FFAR3: variants seen among roughly 807,000 people sequenced by gnomAD.
FFAR3 encodes the protein G-protein coupled receptor 41.
For synonymous variants in FFAR3, 68 were observed against 201.1 expected (o/e 0.34, Z 5.60); for missense variants, 136 against 446.5 (o/e 0.30, Z 6.27).
In FFAR3 at chr19:35,359,520, C is replaced by T. The variant is rs923049535; in HGVS notation, c.630C>T (p.Ile210=). 2 of 1,613,856 alleles carry T rather than the reference C, an allele frequency of 1.2e-6. No homozygotes were observed. The highest frequency in any genetic ancestry group is 1.1e-5 in the South Asian group (1 of 91,066). ...ACTGCTACAGCCGCCTGGTGTGGATCCTCGGCAGAGGGGGCAGCCACCGCC... is the reference window on the plus strand; with the variant it reads ...ACTGCTACAGCCGCCTGGTGTGGATTCTCGGCAGAGGGGGCAGCCACCGCC... The part of the protein sequence containing the change: ...TSYCYSRLVW[I]LGRGGSHRRQ... The change falls in exon 2 of 2, where the codon ATC becomes ATT. Residue 210 remains isoleucine (I), a synonymous_variant. Transcript: ENST00000327809.
chr19:35,358,375 G>A (rs2066973629), upstream of FFAR3: 1 of 738,080 alleles, frequency 1.4e-6, no homozygotes, highest in Non-Finnish European at 1.7e-6. Flanking sequence ...TGAAGAAGGG[G>A]AGAGGAAGAC....
At chr19:35,358,413 C>G (rs1330127710), upstream of FFAR3, 19 of 1,070,452 alleles carry the variant, frequency 1.8e-5, no homozygotes, top group Admixed American at 4.9e-5. Context: ...TAGAGCATCC[C>G]AGCTGAGACT....
Position 35,360,027 on chromosome 19 carries a change from T to C in FFAR3, c.*96T>C, listed in dbSNP as rs1272215997. 1.6e-6 allele frequency: 1 copy of C among 623,482 alleles called. No homozygotes were observed. The highest frequency in any genetic ancestry group is 2.8e-6 in the Non-Finnish European group (1 of 352,522). The allele number at this position is 623,482 out of a possible 1,614,324, so 38.6% of individuals were successfully genotyped here. The stretch of plus-strand genomic sequence containing the variant: ...CTTGGAGTGGCGAGCTGGGGCCCGA[T>C]GGGGCTTGGGGGCAGAGTAGACATC... On this transcript the variant is annotated 3_prime_UTR_variant, in exon 2 of 2. Transcript: ENST00000327809.
In FFAR3 at chr19:35,358,514, C is replaced by T. The variant is rs2066974375; in HGVS notation, c.-147C>T. 1.6e-5 allele frequency: 19 copies of T among 1,222,928 alleles called. No homozygotes were observed. Among genetic ancestry groups the T allele is most frequent in the Non-Finnish European group, 1.9e-5 (18 of 970,218 alleles). The allele number at this position is 1,222,928 out of a possible 1,614,324, so 75.8% of individuals were successfully genotyped here. ...AACGGAGCTCAAGGCATCTATGTGC[C>T]ACTGCTCAACAGTGAGTGACGTCAT... On this transcript the variant is annotated 5_prime_UTR_variant, in exon 1 of 2. Coordinates refer to ENST00000327809, the MANE Select transcript of FFAR3 (RefSeq NM_005304.5).
Position 35,359,038 on chromosome 19 carries a change from G to A in FFAR3, c.148G>A (p.Val50Met), listed in dbSNP as rs200224629. ...CAAGCTGCAGCGCCGCCCGGTGGCC[G>A]TGGACGTGCTCCTGCTCAACCTGAC... ...VGKLQRRPVA[V>M]DVLLLNLTAS... Residue 50 changes from valine (V) to methionine (M), a missense_variant, in exon 2 of 2, where the codon GTG (valine) becomes ATG (methionine). By Grantham distance (21) the Val-to-Met change is conservative. Coordinates refer to ENST00000327809, the MANE Select transcript of FFAR3 (RefSeq NM_005304.5). 87 of 1,611,766 alleles carry A rather than the reference G, an allele frequency of 5.4e-5. 1 individual carries two copies. The Admixed American group carries it at 9.5e-4, about 18-fold the overall frequency.
Position 35,359,033 on chromosome 19 carries a change from T to C in FFAR3, c.143T>C (p.Val48Ala), listed in dbSNP as rs1185608703. The change falls in exon 2 of 2, where the codon GTG becomes GCG. Residue 48 changes from valine to alanine, a missense_variant. Physicochemically the swap from Val to Ala is moderately conservative, Grantham distance 64. Transcript: ENST00000327809. ...GTGGGCAAGCTGCAGCGCCGCCCGG[T>C]GGCCGTGGACGTGCTCCTGCTCAAC... ...VFVGKLQRRP[V>A]AVDVLLLNLT... 3 of 1,611,738 alleles carry C rather than the reference T, an allele frequency of 1.9e-6. No homozygotes were observed. Among genetic ancestry groups the C allele is most frequent in the Admixed American group, 1.7e-5 (1 of 59,930 alleles).
At position 35,360,298 on chromosome 19, in the gene FFAR3, C is replaced by A. The variant is rs371340728; in HGVS notation, c.*367C>A. Reference sequence around the variant, plus strand: ...TGGCAGGGGCAGGAGAGGGGAGAACCCCATCCTCAGAGCTGCTCCCAGCCA... The same window carrying A: ...TGGCAGGGGCAGGAGAGGGGAGAACACCATCCTCAGAGCTGCTCCCAGCCA... On this transcript the variant is annotated 3_prime_UTR_variant, in exon 2 of 2. Transcript: ENST00000327809. 9,555 of 382,740 alleles carry A rather than the reference C, an allele frequency of 0.025. 2 individuals carry two copies. Among genetic ancestry groups the A allele is most frequent in the African/African-American group, 0.13 (5,677 of 44,914 alleles). The allele number at this position is 382,740 out of a possible 1,614,324, so 23.7% of individuals were successfully genotyped here.
Position 35,359,660 on chromosome 19 carries a change from G to C in FFAR3, c.770G>C (p.Trp257Ser), listed in dbSNP as rs142811137. The C allele has an allele frequency of 6.8e-6, 11 of 1,613,942 alleles. No homozygotes were observed. The highest frequency in any genetic ancestry group is 9.3e-6 in the Non-Finnish European group (11 of 1,179,886). ...VGYICGESPAWRIYVTLLSTL... is the reference protein window; with the variant it reads ...VGYICGESPASRIYVTLLSTL... ...TATATCTGCGGTGAAAGCCCGGCGT[G>C]GAGGATCTACGTGACGCTTCTCAGC... The change falls in exon 2 of 2, where the codon TGG becomes TCG. Residue 257 changes from tryptophan to serine, a missense_variant. Trp to Ser is a radical substitution (Grantham distance 177, BLOSUM62 -3). Coordinates refer to ENST00000327809, the MANE Select transcript of FFAR3 (RefSeq NM_005304.5).
chr19:35,358,968 G>C lies in FFAR3; in HGVS notation c.78G>C (p.Leu26=), dbSNP rs2066977053. 6.2e-7 allele frequency: 1 copy of C among 1,610,806 alleles called. No individual in the cohort carries two copies. Among genetic ancestry groups the C allele is most frequent in the Non-Finnish European group, 8.5e-7 (1 of 1,177,932 alleles). ...TCTCGGTGTACCTTCTCACTTTCCT[G>C]GTGGGGCTCCCCCTCAACCTGCTGG... ...FVFSVYLLTF[L]VGLPLNLLAL... The change falls in exon 2 of 2, where the codon CTG becomes CTC. Residue 26 remains leucine, a synonymous_variant. Coordinates refer to ENST00000327809, the MANE Select transcript of FFAR3 (RefSeq NM_005304.5).
In FFAR3 at chr19:35,359,326, C is replaced by G; in HGVS notation, c.436C>G (p.His146Asp). The change falls in exon 2 of 2, where the codon CAC (histidine) becomes GAC (aspartate). Residue 146 changes from histidine to aspartate, a missense_variant. By Grantham distance (81) the His-to-Asp change is moderately conservative. Coordinates refer to ENST00000327809, the MANE Select transcript of FFAR3 (RefSeq NM_005304.5). ...SVACWLLASA[H>D]CSVVYVIEFS... ...GGCCTGCTGGCTGTTGGCCTCTGCT[C>G]ACTGCAGCGTGGTCTACGTCATAGA... 6.2e-7 allele frequency: 1 copy of G among 1,604,296 alleles called. No homozygotes were observed.
At position 35,359,988 on chromosome 19, in the gene FFAR3, C is replaced by G; in HGVS notation, c.*57C>G. On this transcript the variant is annotated 3_prime_UTR_variant, in exon 2 of 2. Transcript: ENST00000327809. ...GTCATCCTCAGGGCGCTTCCTCGCT[C>G]ACGCCAGGAGGGACTTGGAGTGGCG... is the stretch of plus-strand genomic sequence containing the variant. 1.1e-6 allele frequency: 1 copy of G among 890,402 alleles called. No homozygotes were observed. Among genetic ancestry groups the G allele is most frequent in the Non-Finnish European group, 1.7e-6 (1 of 594,180 alleles). 55.2% of individuals were successfully genotyped at this position (890,402 alleles called of 1,614,324 possible). A position where few individuals can be genotyped will look rare whatever the true frequency, so the allele number is the denominator to read the frequency against.
Position 35,359,574 on chromosome 19 carries a change from G to A in FFAR3, c.684G>A (p.Ala228=), listed in dbSNP as rs377408543. 74 of 1,614,044 alleles carry A rather than the reference G, an allele frequency of 4.6e-5. No homozygotes were observed. The highest frequency in any genetic ancestry group is 8.8e-5 in the South Asian group (8 of 91,078). ...RRQRRVAGLL[A]ATLLNFLVCF... is the part of the protein sequence containing the mutation. Reference sequence around the variant, plus strand: ...AGAGGAGGGTGGCGGGGCTGTTGGCGGCCACGCTGCTCAACTTCCTTGTCT... The same window carrying A: ...AGAGGAGGGTGGCGGGGCTGTTGGCAGCCACGCTGCTCAACTTCCTTGTCT... The change falls in exon 2 of 2, where the codon GCG becomes GCA. Residue 228 remains alanine (A), a synonymous_variant. Coordinates refer to ENST00000327809, the MANE Select transcript of FFAR3 (RefSeq NM_005304.5).
At position 35,359,665 on chromosome 19, in the gene FFAR3, A is replaced by G. The variant is rs781216450; in HGVS notation, c.775A>G (p.Ile259Val). ...CTGCGGTGAAAGCCCGGCGTGGAGG[A>G]TCTACGTGACGCTTCTCAGCACCCT... ...YICGESPAWR[I>V]YVTLLSTLNS... is the part of the protein sequence containing the mutation. The change falls in exon 2 of 2, where the codon ATC (isoleucine) becomes GTC (valine). Residue 259 changes from isoleucine to valine, a missense_variant. Ile to Val is a conservative substitution (Grantham distance 29). Transcript: ENST00000327809. 2 of 1,614,046 alleles carry G rather than the reference A, an allele frequency of 1.2e-6. No individual in the cohort carries two copies. The highest frequency in any genetic ancestry group is 1.7e-6 in the Non-Finnish European group (2 of 1,179,876).
chr19:35,358,376 A>G, upstream of FFAR3: 1 of 737,446 alleles, frequency 1.4e-6, no homozygotes, highest in Non-Finnish European at 1.7e-6. Context: ...GAAGAAGGGG[A>G]GAGGAAGACG....
chr19:35,359,022 G>A lies in FFAR3; in HGVS notation c.132G>A (p.Gln44=). The change falls in exon 2 of 2, where the codon CAG becomes CAA. Residue 44 remains glutamine, a synonymous_variant. Coordinates refer to ENST00000327809, the MANE Select transcript of FFAR3 (RefSeq NM_005304.5). ...LALVVFVGKL[Q]RRPVAVDVLL... is the part of the protein sequence containing the mutation. ...TGGTGGTCTTCGTGGGCAAGCTGCA[G>A]CGCCGCCCGGTGGCCGTGGACGTGC... 1 of 1,611,646 alleles carries A rather than the reference G, an allele frequency of 6.2e-7. No individual in the cohort carries two copies. Among genetic ancestry groups the A allele is most frequent in the Non-Finnish European group, 8.5e-7 (1 of 1,178,306 alleles).
rs2066974594 is a variant in FFAR3, at chr19:35,358,551, G to A, written c.-110G>A. The A allele has an allele frequency of 7.7e-7, 1 of 1,298,978 alleles. No homozygotes were observed. Among genetic ancestry groups the A allele is most frequent in the Non-Finnish European group, 9.9e-7 (1 of 1,013,546 alleles). The allele number at this position is 1,298,978 out of a possible 1,614,324, so 80.5% of individuals were successfully genotyped here. ...GTGAGTGACGTCATGGGCACGGCCA[G>A]GTCTTTATCAGTTCTGCCGGATAAA... On this transcript the variant is annotated 5_prime_UTR_variant, in exon 1 of 2. Coordinates refer to ENST00000327809, the MANE Select transcript of FFAR3 (RefSeq NM_005304.5).
At chr19:35,358,449 T>C, upstream of FFAR3, 1 of 1,107,034 alleles carries the variant, frequency 9.0e-7, no homozygotes, top group African/African-American at 1.6e-5. Flanking sequence ...CACGCAGTTG[T>C]GGAATTTGTT....
In FFAR3 at chr19:35,358,613, G is replaced by A; in HGVS notation, c.-48G>A. ...ACTAGGTCTGGAGAGACAGCAAGGT[G>A]CTGTGCGGCAGAGCATTTGGGGTCT... On this transcript the variant is annotated 5_prime_UTR_variant, in exon 1 of 2. Transcript: ENST00000327809. 4.4e-6 allele frequency: 6 copies of A among 1,369,346 alleles called. No homozygotes were observed. The highest frequency in any genetic ancestry group is 5.7e-6 in the Non-Finnish European group (6 of 1,054,488). The allele number at this position is 1,369,346 out of a possible 1,614,324, so 84.8% of individuals were successfully genotyped here.
rs1199931119 is a variant in FFAR3, at chr19:35,358,532, G to T, written c.-129G>T. ...TATGTGCCACTGCTCAACAGTGAGT[G>T]ACGTCATGGGCACGGCCAGGTCTTT... On this transcript the variant is annotated 5_prime_UTR_variant, in exon 1 of 2. It removes the in-frame stop codon of an upstream open reading frame in the 5' UTR. Coordinates refer to ENST00000327809, the MANE Select transcript of FFAR3 (RefSeq NM_005304.5). 5.5e-6 allele frequency: 7 copies of T among 1,274,996 alleles called. No individual in the cohort carries two copies. The East Asian group carries it at 2.7e-4, about 49-fold the overall frequency. 79.0% of individuals were successfully genotyped at this position (1,274,996 alleles called of 1,614,324 possible).
Sources: gnomAD v4.1 joint callset for allele counts on GRCh38, gnomAD v4.1.1 for gene constraint, MANE v1.5 for transcripts, NCBI Gene and HGNC (gene_info 2026-07-23, HGNC 2026-07-21) for gene names.